Variants in DNAH9 observed in about 807,000 individuals in gnomAD.
DNAH9 encodes DNAH9 variant protein.
In DNAH9, 345 loss-of-function variants were observed where a neutral mutation model predicts 471.6. That is an observed-to-expected ratio of 0.73 (90% CI 0.67 to 0.80). DNAH9 has a LOEUF of 0.80. Among genes scored for constraint, DNAH9 ranks in the 30% least tolerant of loss-of-function variants. The probability of loss-of-function intolerance (pLI) is 0.00; values close to 1 mark genes in which losing one functional copy is unlikely to be tolerated. For synonymous variants in DNAH9, 2,093 were observed against 2,123.6 expected, an observed-to-expected ratio of 0.99 and a Z score of 0.40; for missense variants, 5,407 against 5,609.2, an observed-to-expected ratio of 0.96 and a Z score of 1.15.
chr17:11,701,641 A>G (rs2074597306), intron 24 of DNAH9, among the ~76,000 whole-genome samples: 1 of 152,128 alleles, frequency 6.6e-6, no homozygotes, highest in Non-Finnish European at 1.5e-5. Context: ...AACTGCTGAC[A>G]CATATGACTG....
chr17:11,599,114 G>A (rs1351920707), intron 1 of DNAH9, among the ~76,000 whole-genome samples, 199 bp downstream of exon 1: 1 of 152,016 alleles, frequency 6.6e-6, no homozygotes, highest in Non-Finnish European at 1.5e-5. Context: ...AAGAAAATGG[G>A]ATGGGGTTAG....
intron 6 of DNAH9, among the ~76,000 whole-genome samples, chr17:11,620,192 G>A (rs1020650795): frequency 1.2e-4 from 18 of 151,682 alleles, no homozygotes; most frequent in African/African-American, 4.1e-4. Flanking sequence ...TCTAGCCTAG[G>A]CAACAGGAGC....
At chr17:11,834,121 G>T (rs1219958067) in intron 48 of DNAH9, among the ~76,000 whole-genome samples, 1 of 151,884 alleles carries the variant, frequency 6.6e-6, no homozygotes, top group Non-Finnish European at 1.5e-5. Context: ...CTGAGATCAG[G>T]AGTTCAAGAC....
At chr17:11,841,906 C>G (rs1159119887) in intron 49 of DNAH9, among the ~76,000 whole-genome samples, 1 of 151,954 alleles carries the variant, frequency 6.6e-6, no homozygotes, top group Non-Finnish European at 1.5e-5. Flanking sequence ...ATTTCTTTTT[C>G]TGTTCATTAC....
intron 61 of DNAH9, among the ~76,000 whole-genome samples, chr17:11,911,166 T>A (rs1390293403): frequency 6.6e-6 from 1 of 152,232 alleles, no homozygotes; most frequent in Non-Finnish European, 1.5e-5. Context: ...ATTTTTACTT[T>A]TTGTTATTAC....
At chr17:11,828,992 G>A (rs111742829) in intron 48 of DNAH9, among the ~76,000 whole-genome samples, 2,146 of 152,302 alleles carry the variant, frequency 0.014, 39 homozygotes, top group African/African-American at 0.048. Flanking sequence ...TAGATGAAGG[G>A]TGGAGAGGCA....
At chr17:11,754,255 C>A (rs1265039030) in intron 33 of DNAH9, among the ~76,000 whole-genome samples, 1 of 152,054 alleles carries the variant, frequency 6.6e-6, no homozygotes, top group East Asian at 1.9e-4. Context: ...GGTTCCATGT[C>A]TTTGCCATTG....
chr17:11,665,781 A>T (rs1193561899), intron 15 of DNAH9, among the ~76,000 whole-genome samples: 1 of 152,216 alleles, frequency 6.6e-6, no homozygotes, highest in Non-Finnish European at 1.5e-5. Flanking sequence ...CAGAGGATGG[A>T]AGTAAGATGA....
At chr17:11,731,391 T>A (rs2075266236) in intron 28 of DNAH9, among the ~76,000 whole-genome samples, 1 of 68,500 alleles carries the variant, frequency 1.5e-5, no homozygotes, top group African/African-American at 3.6e-5. Context: ...GTCTCACAGG[T>A]CTTCTCTTTT....
At chr17:11,959,399 TAAAGGG>T (rs1391030192) in intron 67 of DNAH9, among the ~76,000 whole-genome samples, 7 of 151,390 alleles carry the variant, frequency 4.6e-5, no homozygotes, top group African/African-American at 1.7e-4. Flanking sequence ...ATCAGCTATT[TAAAGGG>T]AAACAATTAT....
chr17:11,748,943 C>CA (rs1373556330), intron 32 of DNAH9, among the ~76,000 whole-genome samples: 1 of 152,034 alleles, frequency 6.6e-6, no homozygotes, highest in Non-Finnish European at 1.5e-5. Context: ...AAGGATTTAA[C>CA]AACCAGAGTC....
intron 53 of DNAH9, chr17:11,875,727 G>A (rs1972451295): frequency 6.5e-6 from 1 of 152,914 alleles, no homozygotes; most frequent in Non-Finnish European, 1.5e-5. Flanking sequence ...CTTACCTGTG[G>A]GAAAGTTACC....
At chr17:11,646,427 G>A (rs762735895) in intron 11 of DNAH9, among the ~76,000 whole-genome samples, 1 of 152,194 alleles carries the variant, frequency 6.6e-6, no homozygotes, top group Non-Finnish European at 1.5e-5. Context: ...CCAGCACATG[G>A]TAGGTGCTTG....
At chr17:11,926,035 GAAAAAAAAAAAAAAAAA>G (rs71142253) in intron 62 of DNAH9, among the ~76,000 whole-genome samples, 1 of 59,896 alleles carries the variant, frequency 1.7e-5, no homozygotes. Flanking sequence ...GAGATTCTCT[GAAAAAAAAAAAAAAAAA>G]AAAAAAAAAA....
chr17:11,644,378 G>C (rs1012641002), intron 10 of DNAH9, among the ~76,000 whole-genome samples: 1 of 152,140 alleles, frequency 6.6e-6, no homozygotes. Flanking sequence ...CTAGGTGAGG[G>C]TGCTGGTGGA....
chr17:11,759,094 TTTTTC>T (rs200685112), intron 35 of DNAH9, among the ~76,000 whole-genome samples: 9,946 of 46,574 alleles, frequency 0.21, 440 homozygotes, highest in South Asian at 0.36. Context: ...TTCTTTTTTT[TTTTTC>T]TTTTTTTGAG....
Position 11,598,560 on chromosome 17 carries a change from C to T in DNAH9, c.62C>T (p.Ala21Val). ...AAENADGEPG[A>V]DRRLRLLGTY... ...GAGAACGCGGATGGGGAACCCGGCGCCGACCGACGACTGCGACTCCTGGGG... is the reference window on the plus strand; with the variant it reads ...GAGAACGCGGATGGGGAACCCGGCGTCGACCGACGACTGCGACTCCTGGGG... Residue 21 changes from alanine (A) to valine (V), a missense_variant, in exon 1 of 69, where the codon GCC becomes GTC. Coordinates refer to ENST00000262442, the MANE Select transcript of DNAH9 (RefSeq NM_001372.4). 3 of 1,407,780 alleles carry T rather than the reference C, an allele frequency of 2.1e-6. No individual in the cohort carries two copies. Among genetic ancestry groups the T allele is most frequent in the Non-Finnish European group, 2.8e-6 (3 of 1,088,960 alleles). The allele number at this position is 1,407,780 out of a possible 1,614,324, so 87.2% of individuals were successfully genotyped here.
At chr17:11,931,865 C>T in intron 63 of DNAH9, 149 bp from the exon 64 acceptor site, 5 of 831,938 alleles carry the variant, frequency 6.0e-6, no homozygotes, top group Non-Finnish European at 9.8e-6. Flanking sequence ...CCACACGTTC[C>T]CCCCAGGCTG....
chr17:11,800,531 C>T (rs117545027), intron 43 of DNAH9, among the ~76,000 whole-genome samples: 1 of 152,134 alleles, frequency 6.6e-6, no homozygotes, highest in Non-Finnish European at 1.5e-5. Flanking sequence ...CCATCTACTA[C>T]CCCCATTTCT....
Sources: allele counts gnomAD v4.1 joint callset (sites outside exome capture counted in the v4.1 genomes callset), GRCh38; gene constraint gnomAD v4.1.1; transcripts MANE v1.5; gene names NCBI Gene and HGNC (gene_info 2026-07-23, HGNC 2026-07-21).